The following PPP3CA variants were observed in gnomAD, a reference collection of about 807,000 sequenced individuals.
PPP3CA encodes protein phosphatase 3 catalytic subunit alpha, also known as CAM-PRP catalytic subunit.
Under a neutral mutation model 66.5 loss-of-function variants are expected in PPP3CA, and 14 were observed. The ratio of observed to expected loss-of-function variants is 0.21; its 90% confidence interval spans 0.14 to 0.33. PPP3CA has a LOEUF of 0.33. PPP3CA is among the 10% of genes least tolerant of loss of function. The pLI is 1.00. For missense variants in PPP3CA, 317 were observed against 639.5 expected (o/e 0.50, Z 5.44); for synonymous variants, 232 against 226.2 (o/e 1.03, Z -0.23).
chr4:101,151,652 C>CTTTTTTTT (rs369745312), intron 2 of PPP3CA, among the ~76,000 whole-genome samples: 16 of 84,816 alleles, frequency 1.9e-4, no homozygotes, highest in Non-Finnish European at 2.1e-4. Flanking sequence ...CCAAGGTTTC[C>CTTTTTTTT]TTTTTTTTTT....
intron 10 of PPP3CA, among the ~76,000 whole-genome samples, chr4:101,051,873 A>T (rs1297387067): frequency 6.6e-6 from 1 of 152,148 alleles, no homozygotes; most frequent in Non-Finnish European, 1.5e-5. Context: ...CAAAAGCTGT[A>T]TAAAATATAT....
chr4:101,108,008 C>T (rs141876030), intron 3 of PPP3CA: 12 of 152,270 alleles, frequency 7.9e-5, no homozygotes, highest in Non-Finnish European at 1.6e-4. Context: ...GTGTTAGGCA[C>T]CAGGAAGAAC....
chr4:101,334,869 C>T (rs1256250704), intron 1 of PPP3CA, among the ~76,000 whole-genome samples: 1 of 152,018 alleles, frequency 6.6e-6, no homozygotes, highest in African/African-American at 2.4e-5. Context: ...ATAAACAAAT[C>T]CAGATTCTAA....
chr4:101,131,588 C>T (rs537661952), intron 2 of PPP3CA, among the ~76,000 whole-genome samples: 63 of 152,190 alleles, frequency 4.1e-4, no homozygotes, highest in African/African-American at 1.5e-3. Context: ...TACAGGAGCA[C>T]CCAGATTCAT....
At chr4:101,194,433 T>C (rs1724720485) in intron 2 of PPP3CA, among the ~76,000 whole-genome samples, 1 of 151,888 alleles carries the variant, frequency 6.6e-6, no homozygotes, top group African/African-American at 2.4e-5. Context: ...AAGAACACTA[T>C]TCTATGTCTA....
chr4:101,314,882 A>G (rs924419912), intron 1 of PPP3CA, among the ~76,000 whole-genome samples: 2 of 152,186 alleles, frequency 1.3e-5, no homozygotes, highest in African/African-American at 2.4e-5. Flanking sequence ...TTCTTCTTTT[A>G]TAAAAATCAC....
intron 1 of PPP3CA, among the ~76,000 whole-genome samples, chr4:101,277,107 A>T (rs889288853): frequency 6.6e-6 from 1 of 152,082 alleles, no homozygotes; most frequent in Non-Finnish European, 1.5e-5. Flanking sequence ...TAACCTTTTC[A>T]CTGTCACCAT....
chr4:101,221,169 GAACT>G (rs1292040758), intron 1 of PPP3CA, among the ~76,000 whole-genome samples: 2 of 151,582 alleles, frequency 1.3e-5, no homozygotes, highest in East Asian at 1.9e-4. Flanking sequence ...GTGGTAGGAA[GAACT>G]AATTCCAAGT....
rs1578388990 is a variant in PPP3CA at position 101,032,458 on chromosome 4, C to T, written c.1242-94G>A. ...AGGAAAAAAAATGCATATAAGCACC[C>T]ACATTTCCCTCTATCTTGGCTCTCC... On this transcript the variant is annotated intron_variant, in intron 11 of 13. Coordinates refer to ENST00000394854, the MANE Select transcript of PPP3CA (RefSeq NM_000944.5). The T allele has an allele frequency of 2.4e-5, 24 of 993,524 alleles. No individual in the cohort carries two copies. In the East Asian group the frequency reaches 5.8e-4, roughly 24 times the overall value. 61.5% of individuals were successfully genotyped at this position (993,524 alleles called of 1,614,324 possible).
At position 101,242,865 on chromosome 4, in the gene PPP3CA, C is replaced by T. The variant is rs149042864; in HGVS notation, c.59-46749G>A. ...ATCACTGTAGCCCAGGAGTTGGAGG[C>T]TGCAGTAAGCTATGATCACATACTG... On this transcript the variant is annotated intron_variant, in intron 1 of 13. Coordinates refer to ENST00000394854, the MANE Select transcript of PPP3CA (RefSeq NM_000944.5). Among the ~76,000 whole-genome samples the T allele has an allele frequency of 1.4e-4, 22 of 152,206 alleles. No homozygotes were observed. The East Asian group carries it at 3.7e-3, about 26-fold the overall frequency.
rs192671623 is a variant in PPP3CA, at chr4:101,154,337, G to A, written c.259+41579C>T. 3.5e-3 allele frequency among the ~76,000 whole-genome samples: 540 copies of A among 152,206 alleles called. 4 individuals carry two copies. Among genetic ancestry groups the A allele is most frequent in the Non-Finnish European group, 4.9e-3 (335 of 68,000 alleles). On this transcript the variant is annotated intron_variant, in intron 2 of 13. Coordinates refer to ENST00000394854, the MANE Select transcript of PPP3CA (RefSeq NM_000944.5). Reference sequence around the variant, plus strand: ...TTTCAAACCCAAAGTAACATATCAAGTAACAGAATTCTGACTAGTAAATTT... The same window carrying A: ...TTTCAAACCCAAAGTAACATATCAAATAACAGAATTCTGACTAGTAAATTT...
intron 6 of PPP3CA, among the ~76,000 whole-genome samples, chr4:101,084,378 C>T (rs10010510): frequency 0.078 from 11,939 of 152,130 alleles, 599 homozygotes; most frequent in Non-Finnish European, 0.11. Context: ...TCGTGGGTCA[C>T]ACCTGTAATC....
chr4:101,291,920 C>T (rs2850358), intron 1 of PPP3CA, among the ~76,000 whole-genome samples: 26,610 of 152,030 alleles, frequency 0.18, 3,031 homozygotes, highest in East Asian at 0.48. Context: ...CTTGAGCCCA[C>T]GGGTTTGAGA....
chr4:101,339,033 G>A (rs1729724545), intron 1 of PPP3CA, among the ~76,000 whole-genome samples: 3 of 152,192 alleles, frequency 2.0e-5, no homozygotes, highest in Non-Finnish European at 2.9e-5. Flanking sequence ...AGAATCTAAG[G>A]AGACAGCAGC....
chr4:101,137,885 A>AC (rs1722674109), intron 2 of PPP3CA, among the ~76,000 whole-genome samples: 1 of 34,326 alleles, frequency 2.9e-5, no homozygotes, highest in South Asian at 1.4e-3. Flanking sequence ...GTCAGTCCAC[A>AC]AAAAAAAAAA....
At chr4:101,182,508 C>T (rs577735257) in intron 2 of PPP3CA, among the ~76,000 whole-genome samples, 16 of 151,870 alleles carry the variant, frequency 1.1e-4, no homozygotes, top group East Asian at 1.9e-4. Context: ...AGAAGGCATA[C>T]CTCAGATAGA....
chr4:101,219,220 T>TTCA (rs1725547788), intron 1 of PPP3CA, among the ~76,000 whole-genome samples: 1 of 152,042 alleles, frequency 6.6e-6, no homozygotes, highest in East Asian at 1.9e-4. Context: ...AAGTATACTA[T>TTCA]GTATAATCCA....
At chr4:101,163,672 A>T (rs1290537784) in intron 2 of PPP3CA, among the ~76,000 whole-genome samples, 1 of 152,168 alleles carries the variant, frequency 6.6e-6, no homozygotes. Flanking sequence ...TGGGTTATGG[A>T]AGCACAGCAG....
chr4:101,047,102 A>G (rs1727799318), intron 10 of PPP3CA, among the ~76,000 whole-genome samples: 1 of 152,186 alleles, frequency 6.6e-6, no homozygotes, highest in South Asian at 2.1e-4. Context: ...TAACTTAACA[A>G]TAACAAACCT....
Sources: allele counts gnomAD v4.1 joint callset (sites outside exome capture counted in the v4.1 genomes callset), GRCh38; gene constraint gnomAD v4.1.1; transcripts MANE v1.5; gene names NCBI Gene and HGNC (gene_info 2026-07-23, HGNC 2026-07-21).